The following CA1 variants were observed in gnomAD, a reference collection of about 807,000 sequenced individuals.
The protein encoded by CA1 is carbonate dehydratase I.
CA1 carries 27 observed loss-of-function variants against 28.8 expected under a neutral mutation model. The ratio of observed to expected loss-of-function variants is 0.94; its 90% CI spans 0.69 to 1.29. The LOEUF (loss-of-function observed/expected upper bound fraction) is 1.29. CA1 is among the 50% of genes most tolerant of loss of function. The pLI, the probability that CA1 is intolerant of heterozygous loss-of-function variation, is 0.00. For missense variants in CA1, 335 were observed against 310.5 expected, an observed-to-expected ratio of 1.08 and a Z score of -0.59; for synonymous variants, 121 against 108.8, an observed-to-expected ratio of 1.11 and a Z score of -0.70.
At chr8:85,353,735 T>A (rs1027477381) in intron 1 of CA1, among the ~76,000 whole-genome samples, 11 of 152,196 alleles carry the variant, frequency 7.2e-5, no homozygotes, top group Admixed American at 1.3e-4. Context: ...ATTTAGCCAT[T>A]CCTCAATCAA....
intron 2 of CA1, among the ~76,000 whole-genome samples, chr8:85,339,182 A>C (rs1019548906): frequency 6.6e-6 from 1 of 152,188 alleles, no homozygotes; most frequent in African/African-American, 2.4e-5. Flanking sequence ...CTTTGCAGAT[A>C]TTGCATTTTT....
intron 1 of CA1, among the ~76,000 whole-genome samples, chr8:85,370,724 T>A (rs1362084582): frequency 6.6e-6 from 1 of 152,156 alleles, no homozygotes; most frequent in East Asian, 1.9e-4. Flanking sequence ...TAAATTTATG[T>A]CTTAGATTTT....
intron 2 of CA1, among the ~76,000 whole-genome samples, 157 bp from the exon 3 acceptor site, chr8:85,338,606 T>A (rs568165185): frequency 6.6e-6 from 1 of 152,054 alleles, no homozygotes; most frequent in East Asian, 1.9e-4. Flanking sequence ...TTTGAAGATG[T>A]CCCTTTTCTT....
chr8:85,353,324 A>G (rs1809480525), intron 1 of CA1, among the ~76,000 whole-genome samples: 1 of 152,216 alleles, frequency 6.6e-6, no homozygotes, highest in African/African-American at 2.4e-5. Flanking sequence ...GACGGGTACT[A>G]TGTTCATGTG....
At chr8:85,367,860 A>G (rs1810069095) in intron 1 of CA1, among the ~76,000 whole-genome samples, 1 of 152,200 alleles carries the variant, frequency 6.6e-6, no homozygotes, top group Non-Finnish European at 1.5e-5. Flanking sequence ...CAATTTTTTG[A>G]AAAGTAAGAC....
At chr8:85,357,976 T>C (rs1809661287) in intron 1 of CA1, among the ~76,000 whole-genome samples, 1 of 152,240 alleles carries the variant, frequency 6.6e-6, no homozygotes, top group African/African-American at 2.4e-5. Flanking sequence ...CAATTGTTTT[T>C]GAATGTCAAC....
intron 5 of CA1, among the ~76,000 whole-genome samples, chr8:85,333,204 T>C (rs979673388): frequency 6.6e-6 from 1 of 152,154 alleles, no homozygotes; most frequent in Non-Finnish European, 1.5e-5. Flanking sequence ...AGACATTAAA[T>C]TAATAAATTT....
chr8:85,329,050 T>C (rs566455486), intron 7 of CA1, among the ~76,000 whole-genome samples: 2 of 152,286 alleles, frequency 1.3e-5, no homozygotes, highest in African/African-American at 2.4e-5. Context: ...CACTGTGTTG[T>C]TGTGAAGATT....
intron 1 of CA1, among the ~76,000 whole-genome samples, chr8:85,349,065 A>G (rs1251032076): frequency 6.6e-6 from 1 of 152,198 alleles, no homozygotes; most frequent in Non-Finnish European, 1.5e-5. Flanking sequence ...AATAAATGGA[A>G]TGATTACAAG....
intron 1 of CA1, among the ~76,000 whole-genome samples, chr8:85,355,549 C>CTTTTTTT (rs11353842): frequency 2.3e-4 from 25 of 108,694 alleles, no homozygotes; most frequent in Non-Finnish European, 4.1e-4. Context: ...TGTCTAGTTC[C>CTTTTTTT]TTTTTTTTTT....
chr8:85,342,356 A>C (rs1808963584), intron 1 of CA1, among the ~76,000 whole-genome samples: 1 of 152,198 alleles, frequency 6.6e-6, no homozygotes, highest in South Asian at 2.1e-4. Context: ...TATAATTTAT[A>C]AACCAGTTTC....
chr8:85,344,119 T>G (rs1476062752), intron 1 of CA1, among the ~76,000 whole-genome samples: 1 of 139,122 alleles, frequency 7.2e-6, no homozygotes. Context: ...TTTATATATA[T>G]AAAATTTAAA....
At chr8:85,377,761 C>T (rs1450077846) in intron 1 of CA1, among the ~76,000 whole-genome samples, 1 of 151,918 alleles carries the variant, frequency 6.6e-6, no homozygotes, top group African/African-American at 2.4e-5. Context: ...AGAGATGGTG[C>T]CACTGCACTC....
At chr8:85,332,322 A>G (rs150900047) in intron 6 of CA1, 168 bp downstream of exon 6, 10 of 617,942 alleles carry the variant, frequency 1.6e-5, no homozygotes, top group Middle Eastern at 4.4e-4. Context: ...AATTCCCTGC[A>G]TTAGAGACTT....
At chr8:85,360,521 A>G (rs1423249581) in intron 1 of CA1, among the ~76,000 whole-genome samples, 1 of 151,954 alleles carries the variant, frequency 6.6e-6, no homozygotes, top group Non-Finnish European at 1.5e-5. Flanking sequence ...GCAAAACCCC[A>G]TCTCTACTAA....
chr8:85,353,077 G>T (rs1809472750), intron 1 of CA1, among the ~76,000 whole-genome samples: 1 of 152,186 alleles, frequency 6.6e-6, no homozygotes, highest in Non-Finnish European at 1.5e-5. Context: ...CAGAACCAAA[G>T]GGCACTGTGT....
intron 3 of CA1, chr8:85,338,046 A>G (rs2130184995): frequency 2.9e-6 from 2 of 689,068 alleles, no homozygotes; most frequent in East Asian, 5.5e-5. Context: ...TTGAGAAGCA[A>G]GACTGAAAAT....
chr8:85,339,171 T>A (rs1323483043), intron 2 of CA1, among the ~76,000 whole-genome samples: 1 of 152,214 alleles, frequency 6.6e-6, no homozygotes, highest in Admixed American at 6.6e-5. Context: ...ACTTTATTGT[T>A]CTTTGCAGAT....
chr8:85,337,316 T>C, intron 3 of CA1: 1 of 471,864 alleles, frequency 2.1e-6, no homozygotes, highest in Non-Finnish European at 3.9e-6. Flanking sequence ...CAATTTTACC[T>C]ATTTCTAACT....
Sources: gnomAD v4.1 joint callset for allele counts (sites outside exome capture counted in the v4.1 genomes callset) on GRCh38, gnomAD v4.1.1 for gene constraint, MANE v1.5 for transcripts, NCBI Gene and HGNC (gene_info 2026-07-23, HGNC 2026-07-21) for gene names.